CUL2: variants seen among roughly 807,000 people sequenced by gnomAD.
CUL2 encodes the protein cullin-2.
A neutral mutation model predicts 110.2 loss-of-function variants in CUL2; 22 were observed. The ratio of observed to expected loss-of-function variants is 0.20; its 90% CI spans 0.14 to 0.28. CUL2 has a LOEUF of 0.28. CUL2 is among the 10% of genes least tolerant of loss of function. CUL2 has a pLI of 1.00. For missense variants in CUL2, 631 were observed against 905.5 expected, an observed-to-expected ratio of 0.70 and a Z score of 3.89; for synonymous variants, 279 against 293.2, an observed-to-expected ratio of 0.95 and a Z score of 0.49.
chr10:35,063,475 C>T (rs2086436211), intron 2 of CUL2, among the ~76,000 whole-genome samples: 1 of 152,156 alleles, frequency 6.6e-6, no homozygotes, highest in South Asian at 2.1e-4. Flanking sequence ...AAGAGGCAGA[C>T]ATGTCTAAGC....
intron 6 of CUL2, among the ~76,000 whole-genome samples, chr10:35,046,622 T>C (rs1465617788): frequency 6.6e-6 from 1 of 152,212 alleles, no homozygotes; most frequent in African/African-American, 2.4e-5. Flanking sequence ...CCAGGCGCAG[T>C]GGCTCACACT....
At chr10:35,064,374 T>C (rs1054623669) in intron 2 of CUL2, among the ~76,000 whole-genome samples, 1 of 152,166 alleles carries the variant, frequency 6.6e-6, no homozygotes, top group African/African-American at 2.4e-5. Flanking sequence ...AGGATGCAAA[T>C]TCTTTCTCCT....
chr10:35,077,279 G>A (rs952795938), intron 1 of CUL2, among the ~76,000 whole-genome samples: 2 of 149,918 alleles, frequency 1.3e-5, no homozygotes, highest in African/African-American at 4.9e-5. Flanking sequence ...GGGCAACAGA[G>A]CAAGACTCCG....
chr10:35,041,207 T>C (rs900294412), intron 8 of CUL2, among the ~76,000 whole-genome samples: 2 of 152,250 alleles, frequency 1.3e-5, no homozygotes, highest in African/African-American at 2.4e-5. Context: ...ATAGTGACTT[T>C]AATCTGCTTG....
intron 1 of CUL2, among the ~76,000 whole-genome samples, chr10:35,103,291 G>A (rs1000685946): frequency 3.5e-5 from 5 of 142,172 alleles, no homozygotes; most frequent in African/African-American, 7.7e-5. Flanking sequence ...ACAGGCGCCC[G>A]CCACCAGGCC....
At chr10:35,126,229 A>G (rs1313436662) in intron 1 of CUL2, among the ~76,000 whole-genome samples, 1 of 152,208 alleles carries the variant, frequency 6.6e-6, no homozygotes, top group African/African-American at 2.4e-5. Context: ...TTGGGATTAC[A>G]GGCCCGAGCC....
intron 19 of CUL2, among the ~76,000 whole-genome samples, 166 bp from the exon 20 acceptor site, chr10:35,012,130 C>T (rs995406259): frequency 6.6e-6 from 1 of 151,230 alleles, no homozygotes; most frequent in African/African-American, 2.4e-5. Flanking sequence ...CTCAGCTCAC[C>T]GCAACCTCCA....
intron 1 of CUL2, among the ~76,000 whole-genome samples, chr10:35,121,693 C>G (rs550545613): frequency 6.6e-6 from 1 of 152,080 alleles, no homozygotes; most frequent in South Asian, 2.1e-4. Flanking sequence ...GTCTGTAGTT[C>G]CAGCTACTTA....
intron 9 of CUL2, among the ~76,000 whole-genome samples, chr10:35,038,284 G>A (rs1236579272): frequency 6.6e-6 from 1 of 151,790 alleles, no homozygotes; most frequent in African/African-American, 2.4e-5. Flanking sequence ...CCAGCACTTT[G>A]GGAGGCTGAG....
At chr10:35,076,983 C>T (rs192288893) in intron 1 of CUL2, among the ~76,000 whole-genome samples, 3 of 151,912 alleles carry the variant, frequency 2.0e-5, no homozygotes, top group Non-Finnish European at 4.4e-5. Flanking sequence ...ACCCAGGAGG[C>T]GGAGCTTGCA....
chr10:35,036,179 G>C (rs2085616273), intron 9 of CUL2, among the ~76,000 whole-genome samples: 1 of 152,172 alleles, frequency 6.6e-6, no homozygotes, highest in African/African-American at 2.4e-5. Flanking sequence ...AGATGAGTTT[G>C]AACTACGTAT....
In CUL2 at chr10:35,008,925, C is replaced by G. The variant is rs1484254280; in HGVS notation, c.*1386G>C. 6.6e-6 allele frequency: 1 copy of G among 151,724 alleles called. No individual in the cohort carries two copies. The highest frequency in any genetic ancestry group is 1.5e-5 in the Non-Finnish European group (1 of 67,970). 9.4% of individuals were successfully genotyped at this position (151,724 alleles called of 1,614,324 possible). A position where few individuals can be genotyped will look rare whatever the true frequency, so the allele number is the denominator to read the frequency against. On this transcript the variant is annotated 3_prime_UTR_variant, in exon 21 of 21. Coordinates refer to ENST00000374749, the MANE Select transcript of CUL2 (RefSeq NM_003591.4). The stretch of plus-strand genomic sequence containing the variant: ...TTTGTGTGATTTGCTTTAAAATATT[C>G]CGATTTTAAAAATTTTGTGTTGGAT...
chr10:35,059,393 C>T (rs1211817540), intron 4 of CUL2, among the ~76,000 whole-genome samples: 1 of 152,216 alleles, frequency 6.6e-6, no homozygotes, highest in African/African-American at 2.4e-5. Context: ...CAGCAGCCAT[C>T]AACACCGAGG....
chr10:35,080,385 T>C (rs2086916037), intron 1 of CUL2, among the ~76,000 whole-genome samples: 1 of 152,122 alleles, frequency 6.6e-6, no homozygotes, highest in Non-Finnish European at 1.5e-5. Flanking sequence ...CTCTAAGTAC[T>C]CCATAAACAA....
chr10:35,081,210 G>A (rs2086940834), intron 1 of CUL2, among the ~76,000 whole-genome samples: 1 of 151,906 alleles, frequency 6.6e-6, no homozygotes, highest in African/African-American at 2.4e-5. Flanking sequence ...TGGGCCAAAA[G>A]ACCAAGATCT....
intron 1 of CUL2, among the ~76,000 whole-genome samples, chr10:35,083,924 T>C (rs542487321): frequency 1.3e-5 from 2 of 152,216 alleles, no homozygotes; most frequent in African/African-American, 2.4e-5. Flanking sequence ...CAACCTACAA[T>C]AGAGAAAGAC....
At chr10:35,054,609 T>C in intron 4 of CUL2, 70 bp from the exon 5 acceptor site, 1 of 746,992 alleles carries the variant, frequency 1.3e-6, no homozygotes, top group Non-Finnish European at 2.2e-6. Flanking sequence ...CTTGCAACTT[T>C]AGAAGAATAT....
chr10:35,048,276 T>A (rs2086003145), intron 6 of CUL2, among the ~76,000 whole-genome samples: 1 of 152,144 alleles, frequency 6.6e-6, no homozygotes, highest in Non-Finnish European at 1.5e-5. Flanking sequence ...AAACAATGCT[T>A]TAATGGAAGC....
Position 35,013,778 on chromosome 10 carries a change from G to A in CUL2, c.1910C>T (p.Ser637Leu), listed in dbSNP as rs2084961542. 1.3e-6 allele frequency: 2 copies of A among 1,529,152 alleles called. No individual in the cohort carries two copies. The highest frequency in any genetic ancestry group is 1.8e-6 in the Non-Finnish European group (2 of 1,126,616). 94.7% of individuals were successfully genotyped at this position (1,529,152 alleles called of 1,614,324 possible). A position where few individuals can be genotyped will look rare whatever the true frequency, so the allele number is the denominator to read the frequency against. Residue 637 changes from serine (S) to leucine (L), a missense_variant, in exon 19 of 21, where the codon TCG becomes TTG. By Grantham distance (145) the Ser-to-Leu change is moderately radical. This residue lies in a region of CUL2 where 159 missense variants were observed against 202.7 expected (regional missense o/e 0.78). Transcript: ENST00000374749. ...GCTAAAGTTCATATTTAATGAAAAC[G>A]AAGATTCTGCATCAATATCTTCCTA... ...SEKEDIDAES[S>L]FSLNMNFSSK...
Sources: gnomAD v4.1 joint callset for allele counts (sites outside exome capture counted in the v4.1 genomes callset) on GRCh38, gnomAD v4.1.1 for gene constraint, gnomAD v4.1.1 regional missense constraint, MANE v1.5 for transcripts, NCBI Gene and HGNC (gene_info 2026-07-23, HGNC 2026-07-21) for gene names.